SPOCK1: variants seen among roughly 807,000 people sequenced by gnomAD.
The protein encoded by SPOCK1 is testican-1.
A neutral mutation model predicts 55.3 loss-of-function variants in SPOCK1; 23 were observed. That is an observed-to-expected ratio of 0.42 (90% CI 0.30 to 0.59). The LOEUF is 0.59. SPOCK1 is among the 20% of genes least tolerant of loss of function. The pLI, the probability that SPOCK1 is intolerant of heterozygous loss-of-function variation, is 0.22. For synonymous variants in SPOCK1, 226 were observed against 221.0 expected (o/e 1.02, Z -0.20); for missense variants, 499 against 552.5 (o/e 0.90, Z 0.97).
chr5:136,994,944 G>A (rs1421531981), intron 6 of SPOCK1, among the ~76,000 whole-genome samples: 1 of 152,080 alleles, frequency 6.6e-6, no homozygotes. Flanking sequence ...GGCGGAGGTT[G>A]CGGTGAGCTG....
Position 137,255,002 on chromosome 5 carries a change from G to A in SPOCK1, c.232+12008C>T, listed in dbSNP as rs1482236057. Among the ~76,000 whole-genome samples, 5 of 152,326 alleles carry A rather than the reference G, an allele frequency of 3.3e-5. No homozygotes were observed. In the East Asian group the frequency reaches 9.6e-4, roughly 29 times the overall value. The stretch of plus-strand genomic sequence containing the variant: ...AGAGTATTCCCTGATGGAGATGCAG[G>A]CCAACCATTCTTCCTGATATTGTCA... On this transcript the variant is annotated intron_variant, in intron 3 of 10. Transcript: ENST00000394945.
At chr5:137,100,875 G>GAA (rs57089475) in intron 5 of SPOCK1, among the ~76,000 whole-genome samples, 6,259 of 147,074 alleles carry the variant, frequency 0.043, 172 homozygotes, top group Non-Finnish European at 0.061. Flanking sequence ...TCCGAAAGGG[G>GAA]AAAAAAAAAA....
chr5:137,198,392 T>G (rs1417000746), intron 3 of SPOCK1, among the ~76,000 whole-genome samples: 3 of 152,248 alleles, frequency 2.0e-5, no homozygotes, highest in Admixed American at 2.0e-4. Context: ...TTTCCAGAAT[T>G]TATACCTCCA....
intron 6 of SPOCK1, among the ~76,000 whole-genome samples, chr5:137,040,873 G>A (rs1376877676): frequency 6.6e-6 from 1 of 152,234 alleles, no homozygotes; most frequent in Non-Finnish European, 1.5e-5. Context: ...ACTGGCCAAG[G>A]AAATTGTTCC....
intron 3 of SPOCK1, among the ~76,000 whole-genome samples, chr5:137,263,883 T>G (rs1446536554): frequency 6.6e-6 from 1 of 152,174 alleles, no homozygotes; most frequent in African/African-American, 2.4e-5. Context: ...GTCTCATCAT[T>G]GGAGAGCACC....
At chr5:137,111,445 T>C (rs528376528) in intron 5 of SPOCK1, among the ~76,000 whole-genome samples, 1 of 152,290 alleles carries the variant, frequency 6.6e-6, no homozygotes, top group South Asian at 2.1e-4. Context: ...CCACCCACCA[T>C]GTCTTACAGA....
At chr5:137,288,522 G>A (rs1007912595) in intron 2 of SPOCK1, among the ~76,000 whole-genome samples, 6 of 152,200 alleles carry the variant, frequency 3.9e-5, no homozygotes, top group African/African-American at 1.4e-4. Flanking sequence ...GGCCAGTGGG[G>A]TATAAAGCAA....
rs1203338535 is a variant in SPOCK1 at position 137,115,200 on chromosome 5, A to G, written c.348-2639T>C. ...GGCGGGGTCGGTGGGGGGAGTCCCT[A>G]TGTGCTGACCACTGCAGTGGTATCT... is the stretch of plus-strand genomic sequence containing the variant. On this transcript the variant is annotated intron_variant, in intron 4 of 10. Coordinates refer to ENST00000394945, the MANE Select transcript of SPOCK1 (RefSeq NM_004598.4). Among the ~76,000 whole-genome samples the G allele has an allele frequency of 2.6e-5, 4 of 152,188 alleles. No individual in the cohort carries two copies. The East Asian group carries it at 7.7e-4, about 29-fold the overall frequency.
chr5:137,223,394 A>G (rs748641489), intron 3 of SPOCK1, among the ~76,000 whole-genome samples: 2 of 152,120 alleles, frequency 1.3e-5, no homozygotes, highest in Non-Finnish European at 2.9e-5. Flanking sequence ...TAAAAACAGC[A>G]TGAAATTCCT....
chr5:137,238,258 T>C (rs927855147), intron 3 of SPOCK1, among the ~76,000 whole-genome samples: 2 of 152,210 alleles, frequency 1.3e-5, no homozygotes, highest in Admixed American at 1.3e-4. Context: ...ACAAATTATT[T>C]TGCATAATAT....
At chr5:137,410,677 C>A (rs1752191657) in intron 2 of SPOCK1, among the ~76,000 whole-genome samples, 1 of 152,230 alleles carries the variant, frequency 6.6e-6, no homozygotes, top group African/African-American at 2.4e-5. Context: ...TGGCATATCA[C>A]AAAGATTAGG....
chr5:137,065,123 G>A (rs529308864), intron 6 of SPOCK1, among the ~76,000 whole-genome samples: 35 of 151,790 alleles, frequency 2.3e-4, no homozygotes, highest in African/African-American at 8.5e-4. Context: ...AGCTACTAGG[G>A]AGGATGAGGC....
intron 3 of SPOCK1, among the ~76,000 whole-genome samples, chr5:137,221,593 A>C (rs1172299516): frequency 6.6e-6 from 1 of 152,214 alleles, no homozygotes; most frequent in East Asian, 1.9e-4. Context: ...TCAATGACTG[A>C]GATGACAATA....
intron 3 of SPOCK1, among the ~76,000 whole-genome samples, chr5:137,186,571 G>A (rs946777022): frequency 6.6e-6 from 1 of 152,188 alleles, no homozygotes; most frequent in Non-Finnish European, 1.5e-5. Flanking sequence ...GAAGACATGG[G>A]GCTTAGGAGG....
intron 3 of SPOCK1, among the ~76,000 whole-genome samples, chr5:137,258,506 T>C (rs1756681869): frequency 6.6e-6 from 1 of 152,238 alleles, no homozygotes; most frequent in Non-Finnish European, 1.5e-5. Context: ...TTCTACATTC[T>C]CAAATGAGAA....
chr5:137,483,779 C>T (rs1753996297), intron 2 of SPOCK1, among the ~76,000 whole-genome samples: 1 of 152,140 alleles, frequency 6.6e-6, no homozygotes, highest in Non-Finnish European at 1.5e-5. Context: ...CAGACAGGGC[C>T]AAAAGTCTTC....
intron 3 of SPOCK1, among the ~76,000 whole-genome samples, chr5:137,249,520 T>C (rs1247411516): frequency 1.3e-5 from 2 of 152,254 alleles, no homozygotes; most frequent in African/African-American, 4.8e-5. Context: ...TACATACTGA[T>C]ATATTTACAT....
intron 5 of SPOCK1, among the ~76,000 whole-genome samples, chr5:137,093,775 T>C (rs961684631): frequency 2.0e-5 from 3 of 152,062 alleles, no homozygotes; most frequent in Admixed American, 1.3e-4. Flanking sequence ...CTCAGCACAT[T>C]GGAAGCAGAA....
At chr5:137,356,095 G>A (rs1398221125) in intron 2 of SPOCK1, among the ~76,000 whole-genome samples, 4 of 152,102 alleles carry the variant, frequency 2.6e-5, no homozygotes, top group African/African-American at 4.8e-5. Context: ...TCAGAGGGTG[G>A]GCTCAACTGA....
Sources: gnomAD v4.1 joint callset for allele counts (sites outside exome capture counted in the v4.1 genomes callset) on GRCh38, gnomAD v4.1.1 for gene constraint, MANE v1.5 for transcripts, NCBI Gene and HGNC (gene_info 2026-07-23, HGNC 2026-07-21) for gene names.